FBXO34: variants seen among roughly 807,000 people sequenced by gnomAD.
The protein encoded by FBXO34 is F-box only protein 34.
In FBXO34, 12 loss-of-function variants were observed where a neutral mutation model predicts 24.5. The ratio of observed to expected loss-of-function variants is 0.49; its 90% confidence interval spans 0.31 to 0.79. The LOEUF is 0.79. Among genes scored for constraint, FBXO34 ranks in the 30% least tolerant of loss-of-function variants. FBXO34 has a pLI of 0.04. For missense variants in FBXO34, 823 were observed against 857.7 expected, an observed-to-expected ratio of 0.96 and a Z score of 0.51; for synonymous variants, 320 against 311.9, an observed-to-expected ratio of 1.03 and a Z score of -0.27.
intron 1 of FBXO34, among the ~76,000 whole-genome samples, chr14:55,349,732 G>A (rs1053441691): frequency 6.6e-6 from 1 of 150,906 alleles, no homozygotes; most frequent in Non-Finnish European, 1.5e-5. Flanking sequence ...TCAGCCTCTC[G>A]AGTAGCTGGG....
At chr14:55,343,240 G>A (rs1362376202) in intron 1 of FBXO34, among the ~76,000 whole-genome samples, 6 of 130,832 alleles carry the variant, frequency 4.6e-5, no homozygotes, top group South Asian at 2.5e-4. Context: ...TTATTCCTCC[G>A]ATTTTTTTTT....
the FBXO34 span, among the ~76,000 whole-genome samples, chr14:55,428,456 C>G: frequency 0.69 from 105,508 of 151,932 alleles, 36,778 homozygotes; most frequent in South Asian, 0.74. Flanking sequence ...CTGTAGATTA[C>G]TGGATCTCAA....
At chr14:55,418,111 T>C in the FBXO34 span, among the ~76,000 whole-genome samples, 1 of 152,224 alleles carries the variant, frequency 6.6e-6, no homozygotes, top group Non-Finnish European at 1.5e-5. Context: ...GACATTGGCA[T>C]GGCTAGTCCA....
At chr14:55,323,360 T>C (rs56949365) in intron 1 of FBXO34, among the ~76,000 whole-genome samples, 53,314 of 138,964 alleles carry the variant, frequency 0.38, 10,509 homozygotes, top group Non-Finnish European at 0.42. Context: ...AGCCACCCCC[T>C]GACCTGGCCC....
the FBXO34 span, chr14:55,436,431 C>T: frequency 2.3e-6 from 2 of 875,974 alleles, no homozygotes; most frequent in Non-Finnish European, 3.5e-6. Flanking sequence ...CCATTTAGAA[C>T]TGATAAAACA....
the FBXO34 span, chr14:55,440,409 T>G: frequency 1.2e-6 from 2 of 1,612,844 alleles, no homozygotes; most frequent in Non-Finnish European, 1.7e-6. Context: ...AGCGGCGCAC[T>G]GGTCCAGGTA....
At chr14:55,322,448 C>T (rs965587243) in intron 1 of FBXO34, among the ~76,000 whole-genome samples, 1 of 152,198 alleles carries the variant, frequency 6.6e-6, no homozygotes, top group African/African-American at 2.4e-5. Context: ...TCTCTCTCCT[C>T]CCCCACCATT....
At chr14:55,420,325 G>A in the FBXO34 span, among the ~76,000 whole-genome samples, 14 of 152,316 alleles carry the variant, frequency 9.2e-5, no homozygotes, top group African/African-American at 2.9e-4. Context: ...GATTACAGGC[G>A]TGAGCACAAC....
chr14:55,375,490 A>AATTTTTTTTTTTTTTTTTTTTTTTTTTT, the FBXO34 span, among the ~76,000 whole-genome samples: 3 of 117,798 alleles, frequency 2.5e-5, no homozygotes, highest in Non-Finnish European at 5.0e-5. Flanking sequence ...GCCGGGCTAA[A>AATTTTTTTTTTTTTTTTTTTTTTTTTTT]TTTTTTTTTT....
chr14:55,415,548 T>C, the FBXO34 span, among the ~76,000 whole-genome samples: 6 of 152,200 alleles, frequency 3.9e-5, no homozygotes, highest in African/African-American at 1.2e-4. Flanking sequence ...ACAGCTTAAA[T>C]GCCCGTCAAT....
chr14:55,372,325 CCT>C (rs1163661761), downstream of FBXO34, among the ~76,000 whole-genome samples: 1 of 152,094 alleles, frequency 6.6e-6, no homozygotes, highest in Non-Finnish European at 1.5e-5. Flanking sequence ...TGGAGAGCTG[CCT>C]CTCTCCTCCT....
At chr14:55,323,439 A>G (rs188509914) in intron 1 of FBXO34, among the ~76,000 whole-genome samples, 3 of 148,960 alleles carry the variant, frequency 2.0e-5, no homozygotes, top group African/African-American at 7.5e-5. Flanking sequence ...CTTGAGTGCT[A>G]TAGTGTGATC....
chr14:55,415,315 C>T, the FBXO34 span, among the ~76,000 whole-genome samples: 3 of 152,144 alleles, frequency 2.0e-5, no homozygotes, highest in Non-Finnish European at 4.4e-5. Flanking sequence ...TGGAAAATAG[C>T]TTTAGTTGAT....
At chr14:55,354,146 G>T (rs1182912322), downstream of FBXO34, among the ~76,000 whole-genome samples, 1 of 152,198 alleles carries the variant, frequency 6.6e-6, no homozygotes, top group Admixed American at 6.5e-5. Context: ...CATCAGATTT[G>T]TCTGTGACAC....
At chr14:55,347,617 C>T (rs1884201223) in intron 1 of FBXO34, among the ~76,000 whole-genome samples, 2 of 152,152 alleles carry the variant, frequency 1.3e-5, no homozygotes, top group African/African-American at 2.4e-5. Context: ...TGGCTATTTT[C>T]CTTCCCTCAC....
chr14:55,313,199 A>G (rs942076005), intron 1 of FBXO34, among the ~76,000 whole-genome samples: 2 of 152,138 alleles, frequency 1.3e-5, no homozygotes, highest in African/African-American at 4.8e-5. Context: ...AGTTCCACAG[A>G]TCTCTAAGGT....
At chr14:55,302,810 T>A (rs1448713850) in intron 1 of FBXO34, among the ~76,000 whole-genome samples, 1 of 152,222 alleles carries the variant, frequency 6.6e-6, no homozygotes, top group Non-Finnish European at 1.5e-5. Context: ...GAAATTCTGT[T>A]TTCTTCTTTG....
the FBXO34 span, among the ~76,000 whole-genome samples, chr14:55,402,926 A>AATATATATATATATATATATATAT: frequency 6.1e-5 from 1 of 16,398 alleles, no homozygotes; most frequent in African/African-American, 2.6e-4. Context: ...AAAAAAAAAA[A>AATATATATATATATATATATATAT]ATATATATAT....
chr14:55,412,578 G>C, the FBXO34 span, among the ~76,000 whole-genome samples: 2 of 152,116 alleles, frequency 1.3e-5, no homozygotes, highest in Non-Finnish European at 2.9e-5. Context: ...GATATATAAG[G>C]TGATGTGTTG....
Sources: allele counts gnomAD v4.1 joint callset (sites outside exome capture counted in the v4.1 genomes callset), GRCh38; gene constraint gnomAD v4.1.1; transcripts MANE v1.5; gene names NCBI Gene and HGNC (gene_info 2026-07-23, HGNC 2026-07-21).